CLIP2: variants seen among roughly 807,000 people sequenced by gnomAD.
The protein encoded by CLIP2 is CAP-Gly domain-containing linker protein 2.
CLIP2 carries 41 observed loss-of-function variants against 111.7 expected under a neutral mutation model. That is an observed-to-expected ratio of 0.37 (90% confidence interval 0.29 to 0.48). CLIP2 has a LOEUF of 0.48. CLIP2 is among the 20% of genes least tolerant of loss of function. CLIP2 has a pLI of 0.99. For missense variants in CLIP2, 1,160 were observed against 1,422.1 expected, an observed-to-expected ratio of 0.82 and a Z score of 2.96; for synonymous variants, 660 against 644.2, an observed-to-expected ratio of 1.02 and a Z score of -0.37.
intron 11 of CLIP2, among the ~76,000 whole-genome samples, chr7:74,384,271 A>G (rs1791021485): frequency 6.6e-6 from 1 of 152,044 alleles, no homozygotes. Context: ...TTGTATGGAC[A>G]TACCGCATTT....
At chr7:74,302,826 A>G (rs782030389) in intron 1 of CLIP2, among the ~76,000 whole-genome samples, 4 of 152,194 alleles carry the variant, frequency 2.6e-5, no homozygotes, top group African/African-American at 7.2e-5. Flanking sequence ...GCAAGGCCCT[A>G]TCCCCACGCT....
At chr7:74,356,675 G>A (rs1554308553) in intron 5 of CLIP2, 52 bp downstream of exon 5, 3 of 1,499,042 alleles carry the variant, frequency 2.0e-6, no homozygotes, top group African/African-American at 1.4e-5. Flanking sequence ...TGGGAGGGGT[G>A]AGGATGTAAG....
At chr7:74,293,141 C>G (rs1416414672) in intron 1 of CLIP2, among the ~76,000 whole-genome samples, 1 of 152,136 alleles carries the variant, frequency 6.6e-6, no homozygotes, top group Non-Finnish European at 1.5e-5. Flanking sequence ...GGGTGCCCTC[C>G]GATCCCATAC....
At chr7:74,292,667 C>T (rs782741619) in intron 1 of CLIP2, among the ~76,000 whole-genome samples, 2 of 152,148 alleles carry the variant, frequency 1.3e-5, no homozygotes, top group South Asian at 2.1e-4. Context: ...GGATTACAGG[C>T]GTGAGCCACC....
In CLIP2 at chr7:74,376,585, C is replaced by A. The variant is rs540082073; in HGVS notation, c.2184C>A (p.Ala728=). The change falls in exon 10 of 17, where the codon GCC becomes GCA. Residue 728 remains alanine, a synonymous_variant. Transcript: ENST00000223398. The surrounding 1 kb of genome is among the most constrained non-coding windows in gnomAD (Gnocchi z 7.1). The stretch of plus-strand genomic sequence containing the variant: ...AGGCCCAGGACCAGCGCCGGGATGC[C>A]GAGCTGCGTGTGCACGAGCTGGAAA... ...LQEAQDQRRD[A]ELRVHELEKL... 36 of 1,611,320 alleles carry A rather than the reference C, an allele frequency of 2.2e-5. No homozygotes were observed. The highest frequency in any genetic ancestry group is 3.0e-5 in the Non-Finnish European group (35 of 1,179,220).
chr7:74,349,470 GTATATATATATATA>G (rs1158400867), intron 3 of CLIP2, among the ~76,000 whole-genome samples: 404 of 33,800 alleles, frequency 0.012, 20 homozygotes, highest in East Asian at 0.12. Flanking sequence ...GTGTGTGTGT[GTATATATATATATA>G]TATATATATA....
At position 74,390,165 on chromosome 7, in the gene CLIP2, G is replaced by GAAAGAAAGA. The variant is rs1562726798; in HGVS notation, c.2720+909_2720+917dup. 6.4e-4 allele frequency among the ~76,000 whole-genome samples: 3 copies of GAAAGAAAGA among 4,722 alleles called. No individual in the cohort carries two copies. The East Asian group carries it at 0.012, about 19-fold the overall frequency. The allele number at this position is 4,722 out of a possible 152,430, so 3.1% of individuals were successfully genotyped here. The stretch of plus-strand genomic sequence containing the variant: ...GAAAGAAAGAAAAAGAAAGAAAGAA[G>GAAAGAAAGA]AAAGAAAGAAAGAAAGAAAGAAAGA... On this transcript the variant is annotated intron_variant, in intron 13 of 16. Transcript: ENST00000223398.
At position 74,401,602 on chromosome 7, in the gene CLIP2, G is replaced by A. The variant is rs782272875; in HGVS notation, c.3129+35G>A. 4 of 1,596,646 alleles carry A rather than the reference G, an allele frequency of 2.5e-6. No homozygotes were observed. In the South Asian group the frequency reaches 3.3e-5, roughly 13 times the overall value. ...GCCTCGGGCCTCCCAGGTCCCTCCCGTGCAGGCAGACCTCTCTGGAGAAAA... is the reference window on the plus strand; with the variant it reads ...GCCTCGGGCCTCCCAGGTCCCTCCCATGCAGGCAGACCTCTCTGGAGAAAA... On this transcript the variant is annotated intron_variant, in intron 16 of 16. Coordinates refer to ENST00000223398, the MANE Select transcript of CLIP2 (RefSeq NM_003388.5).
chr7:74,328,281 C>G (rs1002701466), intron 2 of CLIP2, among the ~76,000 whole-genome samples: 1 of 152,182 alleles, frequency 6.6e-6, no homozygotes, highest in Non-Finnish European at 1.5e-5. Flanking sequence ...CCATTCCTTC[C>G]TTCGTAACCT....
At chr7:74,368,260 G>A (rs1790512994) in intron 8 of CLIP2, among the ~76,000 whole-genome samples, 1 of 152,098 alleles carries the variant, frequency 6.6e-6, no homozygotes, top group African/African-American at 2.4e-5. Flanking sequence ...GCTCACGCCT[G>A]TAATCCCAGC....
At chr7:74,325,675 T>TA (rs1418739431) in intron 2 of CLIP2, among the ~76,000 whole-genome samples, 13 of 147,226 alleles carry the variant, frequency 8.8e-5, no homozygotes, top group Middle Eastern at 3.9e-3. Context: ...CTACTAAAAA[T>TA]ACAAAAATTA....
intron 9 of CLIP2, among the ~76,000 whole-genome samples, chr7:74,373,785 G>A (rs2116649978): frequency 6.6e-6 from 1 of 152,232 alleles, no homozygotes; most frequent in African/African-American, 2.4e-5. Flanking sequence ...AGGAGGTCAG[G>A]AACTGCAGAT....
At chr7:74,320,864 C>T (rs1436157030) in intron 2 of CLIP2, among the ~76,000 whole-genome samples, 1 of 152,126 alleles carries the variant, frequency 6.6e-6, no homozygotes, top group Admixed American at 6.6e-5. Context: ...GTGGGCTGAG[C>T]TTGGTCCAGT....
At chr7:74,321,249 T>C (rs1229904792) in intron 2 of CLIP2, among the ~76,000 whole-genome samples, 1 of 151,982 alleles carries the variant, frequency 6.6e-6, no homozygotes, top group Non-Finnish European at 1.5e-5. Flanking sequence ...TTGAAAGTGA[T>C]AAAAGAAAAA....
chr7:74,395,166 T>C (rs1358894178), intron 13 of CLIP2, among the ~76,000 whole-genome samples: 2 of 151,874 alleles, frequency 1.3e-5, no homozygotes, highest in Non-Finnish European at 2.9e-5. Flanking sequence ...TCTTCTTCTT[T>C]TTTTTTTTTC....
intron 3 of CLIP2, among the ~76,000 whole-genome samples, chr7:74,343,337 C>G (rs1789712416): frequency 6.6e-6 from 1 of 152,112 alleles, no homozygotes; most frequent in South Asian, 2.1e-4. Flanking sequence ...CCCAGGAAAG[C>G]CAACCCCATC....
At position 74,356,454 on chromosome 7, in the gene CLIP2, A is replaced by T. The variant is rs782222172; in HGVS notation, c.848A>T (p.His283Leu). 1.9e-6 allele frequency: 3 copies of T among 1,614,176 alleles called. No homozygotes were observed. Among genetic ancestry groups the T allele is most frequent in the Admixed American group, 1.7e-5 (1 of 60,010 alleles). ...AAGTTTGGTCTCTTCGCGCCCATCC[A>T]CAAAGTGATCCGTATCGGCTTCCCA... ...PPKFGLFAPI[H>L]KVIRIGFPST... Residue 283 changes from histidine to leucine, a missense_variant, in exon 5 of 17, where the codon CAC becomes CTC. Physicochemically the swap from His to Leu is moderately conservative, Grantham distance 99. Transcript: ENST00000223398.
intron 13 of CLIP2, among the ~76,000 whole-genome samples, chr7:74,390,239 C>A: frequency 6.7e-6 from 1 of 149,546 alleles, no homozygotes; most frequent in Non-Finnish European, 1.5e-5. Flanking sequence ...TAATGCCTCC[C>A]CAAAATGTTT....
At chr7:74,308,067 C>T (rs568334656) in intron 1 of CLIP2, among the ~76,000 whole-genome samples, 2 of 152,296 alleles carry the variant, frequency 1.3e-5, no homozygotes, top group South Asian at 2.1e-4. Flanking sequence ...CTCTCTCCTC[C>T]TTGGCTCCAC....
Sources: gnomAD v4.1 joint callset for allele counts (sites outside exome capture counted in the v4.1 genomes callset) on GRCh38, gnomAD v4.1.1 for gene constraint, Gnocchi (gnomAD v3.1) non-coding constraint, MANE v1.5 for transcripts, NCBI Gene and HGNC (gene_info 2026-07-23, HGNC 2026-07-21) for gene names.